FARS2: variants seen among roughly 807,000 people sequenced by gnomAD.
FARS2 encodes phenylalanine--tRNA ligase, mitochondrial.
A neutral mutation model predicts 46.4 loss-of-function variants in FARS2; 40 were observed. That is an observed-to-expected ratio of 0.86 (90% CI 0.67 to 1.12). FARS2 has a LOEUF of 1.12. Among genes scored for constraint, FARS2 ranks in the 50% most tolerant of loss-of-function variants. FARS2 has a pLI of 0.00. For missense variants in FARS2, 513 were observed against 567.9 expected, an observed-to-expected ratio of 0.90 and a Z score of 0.98; for synonymous variants, 234 against 214.9, an observed-to-expected ratio of 1.09 and a Z score of -0.78.
chr6:5,533,930 C>A (rs923530188), intron 4 of FARS2, among the ~76,000 whole-genome samples: 1 of 152,168 alleles, frequency 6.6e-6, no homozygotes, highest in Non-Finnish European at 1.5e-5. Context: ...AAATGTTAAG[C>A]AAAATTATTC....
At chr6:5,496,229 C>T (rs1767454736) in intron 4 of FARS2, among the ~76,000 whole-genome samples, 1 of 152,174 alleles carries the variant, frequency 6.6e-6, no homozygotes, top group South Asian at 2.1e-4. Flanking sequence ...TTGCTCTGCA[C>T]AGAGCACATT....
intron 6 of FARS2, among the ~76,000 whole-genome samples, chr6:5,666,079 C>G (rs3812177): frequency 0.46 from 69,644 of 151,924 alleles, 16,106 homozygotes; most frequent in Non-Finnish European, 0.48. Context: ...GCAGGTCTAG[C>G]GTACCGCACT....
intron 6 of FARS2, among the ~76,000 whole-genome samples, chr6:5,631,896 C>T (rs1402625163): frequency 6.6e-6 from 1 of 152,140 alleles, no homozygotes; most frequent in African/African-American, 2.4e-5. Context: ...AAATTACACT[C>T]AACTGTTCTG....
chr6:5,478,242 A>G (rs1436119814), intron 4 of FARS2, among the ~76,000 whole-genome samples: 1 of 152,194 alleles, frequency 6.6e-6, no homozygotes, highest in Non-Finnish European at 1.5e-5. Context: ...CTAACCTGTG[A>G]CCAGTTACTA....
At chr6:5,429,179 G>T (rs1471132229) in intron 3 of FARS2, among the ~76,000 whole-genome samples, 1 of 152,146 alleles carries the variant, frequency 6.6e-6, no homozygotes, top group Non-Finnish European at 1.5e-5. Flanking sequence ...TGTGGTGACA[G>T]TATCATGGGT....
At chr6:5,556,169 C>T (rs1771645672) in intron 5 of FARS2, among the ~76,000 whole-genome samples, 1 of 152,082 alleles carries the variant, frequency 6.6e-6, no homozygotes, top group South Asian at 2.1e-4. Flanking sequence ...GAGCTCGCTT[C>T]CTTTAGCTTA....
intron 6 of FARS2, among the ~76,000 whole-genome samples, chr6:5,621,243 C>T (rs958666203): frequency 6.6e-6 from 1 of 151,692 alleles, no homozygotes; most frequent in African/African-American, 2.4e-5. Flanking sequence ...TAGGCCACCA[C>T]ACTTGGCTAA....
Position 5,319,733 on chromosome 6 carries a change from G to A in FARS2, c.-21-48817G>A, listed in dbSNP as rs78406032. 9.2e-3 allele frequency among the ~76,000 whole-genome samples: 1,393 copies of A among 152,228 alleles called. 9 individuals are homozygous for A. Among genetic ancestry groups the A allele is most frequent in the Middle Eastern group, 0.017 (5 of 294 alleles). On this transcript the variant is annotated intron_variant, in intron 1 of 6. Coordinates refer to ENST00000274680, the MANE Select transcript of FARS2 (RefSeq NM_006567.5). ...CTTCTGAGGAGGAAAGAATCGAGTT[G>A]CTGGAGATCTCTATGGGTTAGTTGC...
chr6:5,455,737 G>A (rs79256500), intron 4 of FARS2, among the ~76,000 whole-genome samples: 1 of 12,400 alleles, frequency 8.1e-5, no homozygotes, highest in African/African-American at 2.0e-4. Context: ...ACTCAGCATC[G>A]GAGGCCTGGA....
intron 2 of FARS2, among the ~76,000 whole-genome samples, chr6:5,404,123 A>G (rs1025761646): frequency 6.6e-6 from 1 of 152,192 alleles, no homozygotes; most frequent in African/African-American, 2.4e-5. Flanking sequence ...AGGACTAGCA[A>G]ATTCCAGCTT....
intron 2 of FARS2, among the ~76,000 whole-genome samples, chr6:5,377,775 C>A (rs999294364): frequency 6.6e-6 from 1 of 151,988 alleles, no homozygotes; most frequent in East Asian, 1.9e-4. Flanking sequence ...AGGATGATTT[C>A]CTTGCCACTT....
At chr6:5,565,061 A>T (rs1772244857) in intron 5 of FARS2, among the ~76,000 whole-genome samples, 1 of 152,222 alleles carries the variant, frequency 6.6e-6, no homozygotes, top group South Asian at 2.1e-4. Context: ...TACTGCACTG[A>T]TGCAAACAAC....
chr6:5,723,836 T>C (rs968932664), intron 6 of FARS2, among the ~76,000 whole-genome samples: 4 of 152,234 alleles, frequency 2.6e-5, no homozygotes, highest in Non-Finnish European at 5.9e-5. Context: ...GAAAAGAGGC[T>C]TCAGGGCTTT....
intron 6 of FARS2, among the ~76,000 whole-genome samples, chr6:5,763,919 G>T (rs1207764499): frequency 4.6e-5 from 7 of 151,984 alleles, no homozygotes. Context: ...GTGCTCCAGG[G>T]GAAGGAATCT....
chr6:5,275,125 T>A (rs1046705246), intron 1 of FARS2, among the ~76,000 whole-genome samples: 14 of 152,234 alleles, frequency 9.2e-5, no homozygotes, highest in African/African-American at 3.4e-4. Flanking sequence ...TTTTTGCTGG[T>A]TGCGAATCAC....
chr6:5,600,754 G>A lies in FARS2; in HGVS notation c.1066-12415G>A, dbSNP rs529896042. 1.9e-4 allele frequency among the ~76,000 whole-genome samples: 29 copies of A among 152,266 alleles called. No homozygotes were observed. The South Asian group carries it at 3.3e-3, about 17-fold the overall frequency. ...AATCTAAAAGCTAAATTAATCATTC[G>A]AAAAGGAAATGTCATGGAAGGCACC... On this transcript the variant is annotated intron_variant, in intron 5 of 6. Transcript: ENST00000274680.
At chr6:5,264,349 G>A (rs1180082756) in intron 1 of FARS2, among the ~76,000 whole-genome samples, 3 of 152,168 alleles carry the variant, frequency 2.0e-5, no homozygotes, top group South Asian at 2.1e-4. Flanking sequence ...AATAGAACAC[G>A]AAGGGGAAGG....
intron 5 of FARS2, among the ~76,000 whole-genome samples, chr6:5,577,357 A>AGTGT (rs61361841): frequency 6.6e-6 from 1 of 151,014 alleles, no homozygotes; most frequent in Non-Finnish European, 1.5e-5. Context: ...AGAGAGAGTG[A>AGTGT]GTGTGTGTGT....
chr6:5,657,722 G>T (rs1386343589), intron 6 of FARS2, among the ~76,000 whole-genome samples: 1 of 152,208 alleles, frequency 6.6e-6, no homozygotes, highest in Non-Finnish European at 1.5e-5. Context: ...AGGGAGGACA[G>T]AGGCATTTTC....
Sources: allele counts gnomAD v4.1 joint callset (sites outside exome capture counted in the v4.1 genomes callset), GRCh38; gene constraint gnomAD v4.1.1; transcripts MANE v1.5; gene names NCBI Gene and HGNC (gene_info 2026-07-23, HGNC 2026-07-21).